OTUD7A: variants seen among roughly 807,000 people sequenced by gnomAD.
OTUD7A encodes the protein OTU domain-containing protein 7A.
A neutral mutation model predicts 65.7 loss-of-function variants in OTUD7A; 12 were observed. The observed-to-expected ratio is 0.18, with a 90% CI of 0.12 to 0.30. The LOEUF (loss-of-function observed/expected upper bound fraction) is 0.30. Among genes scored for constraint, OTUD7A ranks in the 10% least tolerant of loss-of-function variants. The pLI is 1.00. For missense variants in OTUD7A, 1,148 were observed against 1,304.8 expected (o/e 0.88, Z 1.85); for synonymous variants, 641 against 586.3 (o/e 1.09, Z -1.35).
chr15:31,521,520 T>A (rs1391290796), intron 8 of OTUD7A, among the ~76,000 whole-genome samples: 2 of 152,092 alleles, frequency 1.3e-5, no homozygotes, highest in East Asian at 3.9e-4. Flanking sequence ...GGAATACACA[T>A]AAGAATGCCT....
chr15:31,793,308 A>T (rs573612576), intron 1 of OTUD7A, among the ~76,000 whole-genome samples: 1 of 152,232 alleles, frequency 6.6e-6, no homozygotes, highest in African/African-American at 2.4e-5. Flanking sequence ...ATCTGACCCC[A>T]GGTGAAGGAG....
intron 1 of OTUD7A, among the ~76,000 whole-genome samples, chr15:31,658,469 TG>T (rs1232880525): frequency 6.6e-6 from 1 of 152,176 alleles, no homozygotes; most frequent in Non-Finnish European, 1.5e-5. Context: ...CAGTGTTCAT[TG>T]ATCACTTAAG....
chr15:31,532,952 A>AG lies in OTUD7A; in HGVS notation c.551-2145_551-2144insC, dbSNP rs765733691. Among the ~76,000 whole-genome samples the AG allele has an allele frequency of 5.8e-3, 868 of 150,724 alleles. 11 individuals carry two copies. The highest frequency in any genetic ancestry group is 0.02 in the African/African-American group (807 of 41,034). On this transcript the variant is annotated intron_variant, in intron 5 of 12. Transcript: ENST00000307050. ...CCGTATCAAAAAAAAAAAAAAAAAA[A>AG]AAGTGTTCAAAGAAATAATCACTAA... is the stretch of plus-strand genomic sequence containing the variant.
intron 3 of OTUD7A, among the ~76,000 whole-genome samples, chr15:31,638,897 G>A (rs928995599): frequency 3.3e-5 from 5 of 152,130 alleles, no homozygotes; most frequent in African/African-American, 1.2e-4. Flanking sequence ...CGCTTTGGGA[G>A]GCCGAGGTAG....
chr15:31,647,375 T>C (rs1266060499), intron 3 of OTUD7A, among the ~76,000 whole-genome samples: 1 of 152,214 alleles, frequency 6.6e-6, no homozygotes, highest in Non-Finnish European at 1.5e-5. Flanking sequence ...TCCAGCTTGA[T>C]AAGCATGTGA....
At chr15:31,786,398 A>T (rs1243552972) in intron 1 of OTUD7A, among the ~76,000 whole-genome samples, 2 of 152,242 alleles carry the variant, frequency 1.3e-5, no homozygotes, top group Admixed American at 1.3e-4. Flanking sequence ...TATGCACTTA[A>T]GGCAAAGAGG....
intron 1 of OTUD7A, among the ~76,000 whole-genome samples, chr15:31,802,632 T>C (rs568023392): frequency 7.9e-4 from 121 of 152,348 alleles, no homozygotes; most frequent in African/African-American, 2.8e-3. Flanking sequence ...TGGAGTCAAT[T>C]TGATGTTATT....
chr15:31,638,935 C>A (rs941846140), intron 3 of OTUD7A, among the ~76,000 whole-genome samples: 3 of 152,084 alleles, frequency 2.0e-5, no homozygotes, highest in Admixed American at 6.6e-5. Flanking sequence ...GAGATCGAGA[C>A]CATCCCGGCT....
chr15:31,722,841 G>A (rs927055420), intron 1 of OTUD7A, among the ~76,000 whole-genome samples: 2 of 152,248 alleles, frequency 1.3e-5, no homozygotes, highest in African/African-American at 4.8e-5. Context: ...AATACACACA[G>A]AGGCCATGGG....
intron 1 of OTUD7A, among the ~76,000 whole-genome samples, chr15:31,717,079 G>A (rs1228653600): frequency 2.0e-5 from 3 of 152,074 alleles, no homozygotes; most frequent in Admixed American, 2.0e-4. Flanking sequence ...ATACAAGTCT[G>A]TTCTACAGAT....
chr15:31,747,485 G>T (rs1008626334), intron 1 of OTUD7A, among the ~76,000 whole-genome samples: 1 of 152,288 alleles, frequency 6.6e-6, no homozygotes. Flanking sequence ...CAGAGAGCTA[G>T]TTTGAAGGGA....
At chr15:31,735,894 G>C (rs1894176777) in intron 1 of OTUD7A, among the ~76,000 whole-genome samples, 1 of 152,232 alleles carries the variant, frequency 6.6e-6, no homozygotes. Flanking sequence ...AAAAGAATGA[G>C]ATCATGTCTT....
At chr15:31,562,591 G>T (rs1017305474) in intron 4 of OTUD7A, among the ~76,000 whole-genome samples, 5 of 151,344 alleles carry the variant, frequency 3.3e-5, no homozygotes, top group Non-Finnish European at 5.9e-5. Context: ...AAGGAACTGT[G>T]AGTTAAAAAA....
intron 3 of OTUD7A, among the ~76,000 whole-genome samples, chr15:31,592,380 TA>T (rs34449587): frequency 5.6e-4 from 85 of 150,910 alleles, no homozygotes; most frequent in African/African-American, 1.9e-3. Context: ...AATCTTTTTT[TA>T]AAAAAAAAAT....
rs2141059550 is a variant in OTUD7A at position 31,483,782 on chromosome 15, C to T, written c.2314G>A (p.Ala772Thr). ...SGPVPGRSPP[A>T]PARQSVIHVQ... ...TGGATGACGCTCTGGCGCGCTGGCG[C>T]CGGGGGGCTGCGGCCAGGCACTGGT... The change falls in exon 13 of 13, where the codon GCG becomes ACG. Residue 772 changes from alanine to threonine, a missense_variant. Around this residue, in one of 6 missense-constraint regions of OTUD7A, gnomAD observed 842 missense variants for 769.5 expected, o/e 1.09. Transcript: ENST00000307050. 7.6e-6 allele frequency: 8 copies of T among 1,051,932 alleles called. No individual in the cohort carries two copies. The highest frequency in any genetic ancestry group is 4.4e-5 in the South Asian group (1 of 22,768). 65.2% of individuals were successfully genotyped at this position (1,051,932 alleles called of 1,614,324 possible).
chr15:31,695,274 C>T (rs1191106371), intron 1 of OTUD7A, among the ~76,000 whole-genome samples: 1 of 140,220 alleles, frequency 7.1e-6, no homozygotes, highest in East Asian at 2.0e-4. Flanking sequence ...GATTTCATTT[C>T]CTTTGACTAT....
chr15:31,574,510 C>A (rs921775071), intron 3 of OTUD7A, among the ~76,000 whole-genome samples: 4 of 151,832 alleles, frequency 2.6e-5, no homozygotes, highest in Admixed American at 6.6e-5. Flanking sequence ...ATCAGGTACA[C>A]AAGACAAAGA....
At chr15:31,599,700 A>G (rs1890017824) in intron 3 of OTUD7A, among the ~76,000 whole-genome samples, 1 of 152,154 alleles carries the variant, frequency 6.6e-6, no homozygotes, top group African/African-American at 2.4e-5. Flanking sequence ...CTCTGAGCTA[A>G]AGGAACATAT....
chr15:31,870,104 C>T (rs1459272277), intron 1 of OTUD7A, among the ~76,000 whole-genome samples: 2 of 150,182 alleles, frequency 1.3e-5, no homozygotes, highest in South Asian at 4.1e-4. Flanking sequence ...GCGGGACCCC[C>T]GACGCGCGCG....
Sources: gnomAD v4.1 joint callset for allele counts (sites outside exome capture counted in the v4.1 genomes callset) on GRCh38, gnomAD v4.1.1 for gene constraint, gnomAD v4.1.1 regional missense constraint, MANE v1.5 for transcripts, NCBI Gene and HGNC (gene_info 2026-07-23, HGNC 2026-07-21) for gene names.